Variants in MINDY4B observed in about 807,000 individuals in gnomAD.
MINDY4B encodes inactive ubiquitin carboxyl-terminal hydrolase MINDY-4B.
Under a neutral mutation model 16.7 loss-of-function variants are expected in MINDY4B, and 25 were observed. That is an observed-to-expected ratio of 1.49 (90% CI 1.09 to 2.09). MINDY4B has a LOEUF of 2.09. Ranked by LOEUF, MINDY4B falls within the 30% of genes most tolerant of loss-of-function variation. MINDY4B has a pLI of 0.00. For synonymous variants in MINDY4B, 132 were observed against 61.9 expected, an observed-to-expected ratio of 2.13 and a Z score of -5.32; for missense variants, 327 against 168.4, an observed-to-expected ratio of 1.94 and a Z score of -5.21.
intron 10 of MINDY4B, among the ~76,000 whole-genome samples, chr3:150,881,614 T>TAAAAAA (rs34567737): frequency 4.9e-5 from 6 of 121,418 alleles, no homozygotes; most frequent in South Asian, 2.9e-4. Flanking sequence ...TGTCTCTGTT[T>TAAAAAA]AAAAAAAAAA....
chr3:150,894,340 A>G, intron 3 of MINDY4B, 35 bp from the exon 4 acceptor site: 1 of 674,458 alleles, frequency 1.5e-6, no homozygotes, highest in Non-Finnish European at 2.7e-6. Context: ...TCAACAAAAG[A>G]GAATTCTTCC....
At position 150,905,101 on chromosome 3, in the gene MINDY4B, A is replaced by G. The variant is rs562297626; in HGVS notation, c.114-12T>C. 1 of 398,532 alleles carries G rather than the reference A, an allele frequency of 2.5e-6. No homozygotes were observed. The highest frequency in any genetic ancestry group is 3.6e-5 in the East Asian group (1 of 28,066). 24.7% of individuals were successfully genotyped at this position (398,532 alleles called of 1,614,324 possible). A position where few individuals can be genotyped will look rare whatever the true frequency, so the allele number is the denominator to read the frequency against. On this transcript the variant is annotated splice_polypyrimidine_tract_variant and intron_variant, in intron 1 of 11. Transcript: ENST00000465419. ...TATTGGTTCCCAACCTTTAAATGAA[A>G]GAGAAAACATCAAGTAAATTACTCA...
At chr3:150,895,333 T>C (rs1711931582) in intron 3 of MINDY4B, among the ~76,000 whole-genome samples, 4 of 152,202 alleles carry the variant, frequency 2.6e-5, no homozygotes, top group African/African-American at 9.6e-5. Context: ...CATTATCTAA[T>C]TAATACTTCA....
intron 3 of MINDY4B, among the ~76,000 whole-genome samples, chr3:150,897,321 C>CTG (rs3062408): frequency 0.063 from 8,207 of 130,520 alleles, 251 homozygotes; most frequent in Middle Eastern, 0.086. Flanking sequence ...GTGACTGGAA[C>CTG]TGTGTGTGTG....
intron 9 of MINDY4B, among the ~76,000 whole-genome samples, chr3:150,883,497 C>T (rs1167360650): frequency 1.3e-5 from 2 of 152,002 alleles, no homozygotes; most frequent in Admixed American, 6.6e-5. Context: ...GAAAATTAGA[C>T]GGTAGATTTT....
chr3:150,905,148 A>G (rs1177751358), intron 1 of MINDY4B, 59 bp from the exon 2 acceptor site: 1 of 398,364 alleles, frequency 2.5e-6, no homozygotes, highest in Non-Finnish European at 4.4e-6. Flanking sequence ...CCTCACATCC[A>G]CAAACCTCCC....
rs187911253 is a variant in MINDY4B, at chr3:150,882,652, T to C, written c.1059+245A>G. On this transcript the variant is annotated intron_variant, in intron 10 of 11. Coordinates refer to ENST00000465419, the MANE Select transcript of MINDY4B (RefSeq NM_001351281.2). ...TTTCAAATATTGCTTTAAAAATGTA[T>C]GTATTACTTTTATTACCTATTTTAT... Among the ~76,000 whole-genome samples the C allele has an allele frequency of 7.0e-3, 1,067 of 152,106 alleles. 32 individuals carry two copies. Among genetic ancestry groups the C allele is most frequent in the Admixed American group, 0.041 (631 of 15,240 alleles).
At chr3:150,903,098 T>C (rs1712154891) in intron 3 of MINDY4B, among the ~76,000 whole-genome samples, 151 bp downstream of exon 3, 1 of 152,216 alleles carries the variant, frequency 6.6e-6, no homozygotes, top group Admixed American at 6.5e-5. Flanking sequence ...CATAAATAAG[T>C]CATTTTAATT....
chr3:150,896,764 C>T (rs1005045237), intron 3 of MINDY4B, among the ~76,000 whole-genome samples: 4 of 152,116 alleles, frequency 2.6e-5, no homozygotes, highest in African/African-American at 9.7e-5. Context: ...GATACCAGCA[C>T]CTGTTCTGGT....
chr3:150,893,702 G>C lies in MINDY4B; in HGVS notation c.430-287C>G, dbSNP rs903008430. Among the ~76,000 whole-genome samples, 35 of 89,790 alleles carry C rather than the reference G, an allele frequency of 3.9e-4. 1 individual carries two copies. The highest frequency in any genetic ancestry group is 3.4e-3 in the Admixed American group (29 of 8,534). The allele number at this position is 89,790 out of a possible 152,430, so 58.9% of individuals were successfully genotyped here. A position where few individuals can be genotyped will look rare whatever the true frequency, so the allele number is the denominator to read the frequency against. ...CTTCATAGTAGTTTTTTTTTGGGGG[G>C]GGGGGTGGGGTGCAGTCTTGCTCTG... On this transcript the variant is annotated intron_variant, in intron 4 of 11. Coordinates refer to ENST00000465419, the MANE Select transcript of MINDY4B (RefSeq NM_001351281.2).
chr3:150,894,996 G>C (rs1447737696), intron 3 of MINDY4B, among the ~76,000 whole-genome samples: 2 of 152,220 alleles, frequency 1.3e-5, no homozygotes, highest in African/African-American at 2.4e-5. Flanking sequence ...GAGAACTTCT[G>C]ACTGAAGTAC....
intron 7 of MINDY4B, among the ~76,000 whole-genome samples, chr3:150,889,685 C>T (rs563315487): frequency 7.9e-5 from 12 of 152,356 alleles, no homozygotes; most frequent in African/African-American, 2.6e-4. Context: ...TGTATCACTT[C>T]ATGGTTATCC....
rs187375098 is a variant in MINDY4B at position 150,894,910 on chromosome 3, C to T, written c.310-605G>A. ...GTTATGTAAAAAGTCTAACACCCCA[C>T]AGCTATGTACAAGACAGAACATGTG... On this transcript the variant is annotated intron_variant, in intron 3 of 11. Transcript: ENST00000465419. Among the ~76,000 whole-genome samples, 290 of 152,270 alleles carry T rather than the reference C, an allele frequency of 1.9e-3. 2 individuals are homozygous for T. Among genetic ancestry groups the T allele is most frequent in the Non-Finnish European group, 1.6e-3 (109 of 68,038 alleles).
intron 10 of MINDY4B, among the ~76,000 whole-genome samples, chr3:150,874,147 C>G (rs1232104626): frequency 6.6e-6 from 1 of 151,410 alleles, no homozygotes; most frequent in African/African-American, 2.4e-5. Context: ...CCTGGATTAG[C>G]TGGGACTACA....
chr3:150,890,437 C>T lies in MINDY4B; in HGVS notation c.688-52G>A, dbSNP rs1347845015. On this transcript the variant is annotated intron_variant, in intron 6 of 11. Coordinates refer to ENST00000465419, the MANE Select transcript of MINDY4B (RefSeq NM_001351281.2). The stretch of plus-strand genomic sequence containing the variant: ...ATGAAAAGGAAGATGAAAGTTACAT[C>T]TAAGAGATGTCAACTCACTGTTATT... 3.2e-5 allele frequency: 18 copies of T among 569,776 alleles called. No individual in the cohort carries two copies. In the East Asian group the frequency reaches 5.3e-4, roughly 17 times the overall value. The allele number at this position is 569,776 out of a possible 1,614,324, so 35.3% of individuals were successfully genotyped here.
chr3:150,875,440 A>G (rs1711496086), intron 10 of MINDY4B, among the ~76,000 whole-genome samples: 1 of 152,212 alleles, frequency 6.6e-6, no homozygotes, highest in Non-Finnish European at 1.5e-5. Flanking sequence ...ATCTAGTGAT[A>G]TTCCCTGTAA....
intron 2 of MINDY4B, among the ~76,000 whole-genome samples, chr3:150,904,483 C>A (rs1199321790): frequency 6.6e-6 from 1 of 152,120 alleles, no homozygotes; most frequent in Non-Finnish European, 1.5e-5. Context: ...ACCATGAAAA[C>A]CACCTTAATA....
intron 10 of MINDY4B, among the ~76,000 whole-genome samples, chr3:150,874,097 C>G (rs887523542): frequency 4.2e-5 from 6 of 142,998 alleles, no homozygotes; most frequent in African/African-American, 1.3e-4. Flanking sequence ...CTCACTGCAG[C>G]CTTGACTCCC....
chr3:150,872,324 C>T (rs1716989878), intron 11 of MINDY4B, among the ~76,000 whole-genome samples: 1 of 152,138 alleles, frequency 6.6e-6, no homozygotes, highest in African/African-American at 2.4e-5. Context: ...TTAGGAGCTG[C>T]ACAAATAAAA....
Sources: gnomAD v4.1 joint callset for allele counts (sites outside exome capture counted in the v4.1 genomes callset) on GRCh38, gnomAD v4.1.1 for gene constraint, MANE v1.5 for transcripts, NCBI Gene and HGNC (gene_info 2026-07-23, HGNC 2026-07-21) for gene names.